CYP2C19: variants seen among roughly 807,000 people sequenced by gnomAD.
CYP2C19 encodes cytochrome P450 family 2 subfamily C member 19.
CYP2C19 carries 59 observed loss-of-function variants against 40.9 expected under a neutral mutation model. That is an observed-to-expected ratio of 1.44 (90% confidence interval 1.17 to 1.79). The LOEUF is 1.79. CYP2C19 is among the 40% of genes most tolerant of loss of function. The pLI is 0.00. For synonymous variants in CYP2C19, 253 were observed against 208.7 expected (o/e 1.21, Z -1.83); for missense variants, 754 against 596.9 (o/e 1.26, Z -2.74).
At chr10:94,781,389 A>G (rs1397352839) in intron 4 of CYP2C19, among the ~76,000 whole-genome samples, 1 of 152,146 alleles carries the variant, frequency 6.6e-6, no homozygotes. Flanking sequence ...ATTCAATTTC[A>G]GAGGCTGCTT....
intron 7 of CYP2C19, among the ~76,000 whole-genome samples, chr10:94,849,153 G>A (rs1204307090): frequency 6.6e-6 from 1 of 152,062 alleles, no homozygotes; most frequent in Admixed American, 6.6e-5. Context: ...CCTGTCTTGT[G>A]CCTTTAAGTC....
At chr10:94,811,123 C>T (rs1848916766) in intron 5 of CYP2C19, among the ~76,000 whole-genome samples, 1 of 152,060 alleles carries the variant, frequency 6.6e-6, no homozygotes, top group South Asian at 2.1e-4. Context: ...TTTATTTTGC[C>T]TTCATTTTGT....
At chr10:94,766,291 A>C (rs954896891) in intron 1 of CYP2C19, among the ~76,000 whole-genome samples, 8 of 114,282 alleles carry the variant, frequency 7.0e-5, no homozygotes, top group African/African-American at 3.3e-4. Context: ...AGCTAGTGGA[A>C]GGGGAGGGGT....
chr10:94,806,069 G>A (rs11595907), intron 5 of CYP2C19, among the ~76,000 whole-genome samples: 99 of 121,376 alleles, frequency 8.2e-4, no homozygotes, highest in Non-Finnish European at 1.3e-3. Context: ...CCTTTCCACC[G>A]TCCCGTGGCA....
At chr10:94,808,796 G>A (rs183091449) in intron 5 of CYP2C19, among the ~76,000 whole-genome samples, 458 of 152,142 alleles carry the variant, frequency 3.0e-3, no homozygotes, top group Non-Finnish European at 4.9e-3. Context: ...ATAGTACTCC[G>A]TTGTGTATAT....
intron 5 of CYP2C19, among the ~76,000 whole-genome samples, chr10:94,819,144 G>A (rs1331943361): frequency 2.0e-5 from 3 of 149,962 alleles, no homozygotes; most frequent in Non-Finnish European, 4.4e-5. Flanking sequence ...TGACTACTGG[G>A]TATATAACGA....
At chr10:94,814,534 G>A (rs930000281) in intron 5 of CYP2C19, among the ~76,000 whole-genome samples, 1 of 151,440 alleles carries the variant, frequency 6.6e-6, no homozygotes, top group Non-Finnish European at 1.5e-5. Context: ...TAGATGCATT[G>A]TGATAGTATC....
At chr10:94,807,840 G>A (rs1413579734) in intron 5 of CYP2C19, among the ~76,000 whole-genome samples, 2 of 152,036 alleles carry the variant, frequency 1.3e-5, no homozygotes, top group Admixed American at 1.3e-4. Flanking sequence ...TCTTCAGGTT[G>A]TCTTTCCACT....
intron 6 of CYP2C19, among the ~76,000 whole-genome samples, chr10:94,836,286 A>AAACCATGAGGCC (rs1306092907): frequency 6.6e-6 from 1 of 152,234 alleles, no homozygotes; most frequent in Admixed American, 6.5e-5. Flanking sequence ...CACTACCTGT[A>AAACCATGAGGCC]AACCATGAGG....
Position 94,779,194 on chromosome 10 carries a change from A to G in CYP2C19, c.482-1305A>G, listed in dbSNP as rs116323773. Among the ~76,000 whole-genome samples the G allele has an allele frequency of 3.3e-3, 508 of 152,290 alleles. 4 individuals carry two copies. Among genetic ancestry groups the G allele is most frequent in the African/African-American group, 0.012 (493 of 41,584 alleles). ...AGCTTAAAACCTAGATGACAGGTTC[A>G]TAGATGCAGCAAACCACCATGGCAC... On this transcript the variant is annotated intron_variant, in intron 3 of 8. Coordinates refer to ENST00000371321, the MANE Select transcript of CYP2C19 (RefSeq NM_000769.4).
intron 6 of CYP2C19, among the ~76,000 whole-genome samples, chr10:94,831,390 T>A (rs938663607): frequency 6.6e-6 from 1 of 152,252 alleles, no homozygotes; most frequent in East Asian, 1.9e-4. Flanking sequence ...TTTGGGTATA[T>A]ACCCAGTAGT....
intron 7 of CYP2C19, among the ~76,000 whole-genome samples, chr10:94,847,124 C>G (rs1327479998): frequency 6.8e-6 from 1 of 147,244 alleles, no homozygotes; most frequent in African/African-American, 2.5e-5. Flanking sequence ...ATGTGCACAA[C>G]GTGCAGGTTA....
In CYP2C19 at chr10:94,775,448, G is replaced by C; in HGVS notation, c.390G>C (p.Thr130=). Residue 130 remains threonine, a synonymous_variant, in exon 3 of 9, where the codon ACG becomes ACC. Transcript: ENST00000371321. Reference sequence around the variant, plus strand: ...AGATCCGGCGTTTCTCCCTCATGACGCTGCGGAATTTTGGGATGGGGAAGA... The same window carrying C: ...AGATCCGGCGTTTCTCCCTCATGACCCTGCGGAATTTTGGGATGGGGAAGA... ...WKEIRRFSLM[T]LRNFGMGKRS... The C allele has an allele frequency of 2.5e-6, 4 of 1,614,046 alleles. No individual in the cohort carries two copies. Among genetic ancestry groups the C allele is most frequent in the Non-Finnish European group, 3.4e-6 (4 of 1,180,000 alleles).
At chr10:94,799,296 A>G (rs1311847028) in intron 5 of CYP2C19, among the ~76,000 whole-genome samples, 1 of 151,756 alleles carries the variant, frequency 6.6e-6, no homozygotes, top group Non-Finnish European at 1.5e-5. Context: ...TTCTGGGTTG[A>G]AAATTCTTTT....
chr10:94,813,779 TTC>T (rs1459717622), intron 5 of CYP2C19, among the ~76,000 whole-genome samples: 1 of 150,920 alleles, frequency 6.6e-6, no homozygotes, highest in Non-Finnish European at 1.5e-5. Context: ...TCAGTCCTCT[TTC>T]CAGGGGACTG....
chr10:94,826,715 G>T (rs1260149956), intron 6 of CYP2C19, among the ~76,000 whole-genome samples: 2 of 152,204 alleles, frequency 1.3e-5, no homozygotes, highest in Admixed American at 1.3e-4. Context: ...AGTGGCAAGA[G>T]AAGGCATCCC....
At chr10:94,845,163 G>A (rs1849553541) in intron 7 of CYP2C19, among the ~76,000 whole-genome samples, 1 of 152,144 alleles carries the variant, frequency 6.6e-6, no homozygotes, top group Non-Finnish European at 1.5e-5. Flanking sequence ...GGAGATAATA[G>A]TCTGAGAGAG....
chr10:94,764,415 C>A (rs1297306756), intron 1 of CYP2C19, among the ~76,000 whole-genome samples: 7 of 152,086 alleles, frequency 4.6e-5, no homozygotes, highest in African/African-American at 1.4e-4. Context: ...CATCTGCAAA[C>A]CTTTAGCTAG....
chr10:94,812,000 C>A (rs960614134), intron 5 of CYP2C19, among the ~76,000 whole-genome samples: 3 of 152,092 alleles, frequency 2.0e-5, no homozygotes, highest in African/African-American at 7.2e-5. Context: ...TATGTTTTTG[C>A]AGTGGCTGTT....
Sources: gnomAD v4.1 joint callset for allele counts (sites outside exome capture counted in the v4.1 genomes callset) on GRCh38, gnomAD v4.1.1 for gene constraint, MANE v1.5 for transcripts, NCBI Gene and HGNC (gene_info 2026-07-23, HGNC 2026-07-21) for gene names.